ATP10D: variants seen among roughly 807,000 people sequenced by gnomAD.
ATP10D encodes the protein ATPase phospholipid transporting 10D (putative), also known as phospholipid-transporting ATPase VD.
Under a neutral mutation model 144.8 loss-of-function variants are expected in ATP10D, and 89 were observed. The observed-to-expected ratio is 0.61, with a 90% CI of 0.52 to 0.73. The LOEUF (loss-of-function observed/expected upper bound fraction) is 0.73. Among genes scored for constraint, ATP10D ranks in the 30% least tolerant of loss-of-function variants. The pLI is 0.00. For missense variants in ATP10D, 1,603 were observed against 1,714.8 expected (o/e 0.93, Z 1.15); for synonymous variants, 571 against 615.1 (o/e 0.93, Z 1.06).
At chr4:47,579,196 A>G (rs918924388) in intron 19 of ATP10D, among the ~76,000 whole-genome samples, 11 of 152,184 alleles carry the variant, frequency 7.2e-5, no homozygotes, top group African/African-American at 2.4e-4. Context: ...CAATCATTTG[A>G]CTATTGTCTC....
chr4:47,542,458 T>G (rs982211193), intron 9 of ATP10D, among the ~76,000 whole-genome samples: 27 of 152,066 alleles, frequency 1.8e-4, no homozygotes, highest in African/African-American at 6.5e-4. Context: ...TAGCTTTGTT[T>G]TCTGAATCAC....
At chr4:47,499,673 C>T (rs1715577253) in intron 1 of ATP10D, among the ~76,000 whole-genome samples, 1 of 152,182 alleles carries the variant, frequency 6.6e-6, no homozygotes, top group Admixed American at 6.5e-5. Flanking sequence ...ATTTAAAATG[C>T]TGTGTCAAAT....
intron 2 of ATP10D, 75 bp from the exon 3 acceptor site, chr4:47,515,400 CA>C (rs1716577599): frequency 2.6e-6 from 3 of 1,171,686 alleles, no homozygotes; most frequent in Non-Finnish European, 3.6e-6. Context: ...TACAGAAAAA[CA>C]ATATAGTACT....
rs1046902116 is a variant in ATP10D, at chr4:47,580,577, A to G, written c.3648+99A>G. 5.7e-6 allele frequency: 6 copies of G among 1,046,352 alleles called. No homozygotes were observed. The African/African-American group carries it at 9.5e-5, about 17-fold the overall frequency. 64.8% of individuals were successfully genotyped at this position (1,046,352 alleles called of 1,614,324 possible). On this transcript the variant is annotated intron_variant, in intron 20 of 22. Transcript: ENST00000273859. ...CAGCATAAAGGAGGGCAGATTGCTCATATAATCAGGTTGATTATTAACTGA... is the reference window on the plus strand; with the variant it reads ...CAGCATAAAGGAGGGCAGATTGCTCGTATAATCAGGTTGATTATTAACTGA...
At chr4:47,585,340 ATC>A (rs1491159037) in intron 21 of ATP10D, among the ~76,000 whole-genome samples, 1 of 151,828 alleles carries the variant, frequency 6.6e-6, no homozygotes. Context: ...TTGAATTTAA[ATC>A]TTTTTTTATT....
chr4:47,578,719 G>T (rs557603949), intron 19 of ATP10D, among the ~76,000 whole-genome samples: 74 of 152,206 alleles, frequency 4.9e-4, no homozygotes, highest in African/African-American at 1.7e-3. Context: ...CTTCTGCTGA[G>T]ATTTTATGGA....
chr4:47,571,824 G>A (rs1719967129), intron 16 of ATP10D, among the ~76,000 whole-genome samples: 1 of 152,200 alleles, frequency 6.6e-6, no homozygotes, highest in African/African-American at 2.4e-5. Flanking sequence ...AGCTGGGGGT[G>A]ATCAGGACAG....
intron 9 of ATP10D, among the ~76,000 whole-genome samples, chr4:47,546,369 A>G (rs1212152412): frequency 6.6e-6 from 1 of 152,140 alleles, no homozygotes; most frequent in East Asian, 1.9e-4. Context: ...GGAGGAGGAA[A>G]GGCCGAGAGT....
At chr4:47,537,880 C>G (rs1252894536) in intron 9 of ATP10D, among the ~76,000 whole-genome samples, 1 of 152,064 alleles carries the variant, frequency 6.6e-6, no homozygotes, top group Non-Finnish European at 1.5e-5. Context: ...GCATGAGTCC[C>G]TGATTGCATG....
Position 47,591,424 on chromosome 4 carries a change from AGGG to A in ATP10D, c.*44_*46del. On this transcript the variant is annotated 3_prime_UTR_variant, in exon 23 of 23. Coordinates refer to ENST00000273859, the MANE Select transcript of ATP10D (RefSeq NM_020453.4). Reference sequence around the variant, plus strand: ...GCAAGTATTCTTTCAAGGTTGGAAGAGGGATTTTGAAGAGGTATCTCTCCAAGC... The same window carrying A: ...GCAAGTATTCTTTCAAGGTTGGAAGAATTTTGAAGAGGTATCTCTCCAAGC... 1 of 1,494,440 alleles carries A rather than the reference AGGG, an allele frequency of 6.7e-7. No individual in the cohort carries two copies. The highest frequency in any genetic ancestry group is 9.0e-7 in the Non-Finnish European group (1 of 1,108,524). The allele number at this position is 1,494,440 out of a possible 1,614,324, so 92.6% of individuals were successfully genotyped here. A position where few individuals can be genotyped will look rare whatever the true frequency, so the allele number is the denominator to read the frequency against.
intron 1 of ATP10D, among the ~76,000 whole-genome samples, chr4:47,511,484 G>A (rs1235851021): frequency 6.6e-6 from 1 of 152,122 alleles, no homozygotes; most frequent in Non-Finnish European, 1.5e-5. Context: ...CATGAGAATT[G>A]CTTGAACCCC....
intron 5 of ATP10D, among the ~76,000 whole-genome samples, chr4:47,534,770 C>T (rs1243447787): frequency 2.0e-5 from 3 of 152,152 alleles, no homozygotes; most frequent in Non-Finnish European, 4.4e-5. Flanking sequence ...AAGCAGGATT[C>T]TTGCTTGGAA....
chr4:47,578,679 T>C (rs566001130), intron 19 of ATP10D, among the ~76,000 whole-genome samples: 1 of 152,334 alleles, frequency 6.6e-6, no homozygotes, highest in East Asian at 1.9e-4. Flanking sequence ...CCTTTGTCTC[T>C]GGCACATTCT....
rs1719667435 is a variant in ATP10D at position 47,566,910 on chromosome 4, TC to T, written c.2854-1921del. On this transcript the variant is annotated intron_variant, in intron 15 of 22. Transcript: ENST00000273859. ...CAAAGCTTATCTAACATGGGTAAGT[TC>T]CCCCCATAGGACACATCACAGCCTT... Among the ~76,000 whole-genome samples the T allele has an allele frequency of 2.6e-5, 4 of 152,186 alleles. No individual in the cohort carries two copies. The South Asian group carries it at 8.3e-4, about 32-fold the overall frequency.
At chr4:47,548,878 C>A (rs886485017) in intron 10 of ATP10D, among the ~76,000 whole-genome samples, 1 of 152,150 alleles carries the variant, frequency 6.6e-6, no homozygotes, top group African/African-American at 2.4e-5. Flanking sequence ...GAAAAATGAG[C>A]ATCTGCAAAT....
chr4:47,526,611 C>T (rs911851000), intron 5 of ATP10D, among the ~76,000 whole-genome samples: 1 of 152,092 alleles, frequency 6.6e-6, no homozygotes, highest in East Asian at 1.9e-4. Context: ...GTATAATGTT[C>T]TTTGTAGAAA....
chr4:47,516,100 G>A (rs570259349), intron 3 of ATP10D, among the ~76,000 whole-genome samples: 17 of 152,032 alleles, frequency 1.1e-4, no homozygotes, highest in Non-Finnish European at 2.4e-4. Context: ...CGTGGTGGCA[G>A]GTGCCTGTAA....
At chr4:47,536,177 C>A in intron 7 of ATP10D, 144 bp downstream of exon 7, 2 of 1,121,120 alleles carry the variant, frequency 1.8e-6, no homozygotes, top group Non-Finnish European at 2.5e-6. Context: ...CTCTTTCATC[C>A]TTTAGCCTGA....
At chr4:47,496,666 T>C (rs1337159345) in intron 1 of ATP10D, among the ~76,000 whole-genome samples, 2 of 152,190 alleles carry the variant, frequency 1.3e-5, no homozygotes, top group African/African-American at 4.8e-5. Context: ...AAAAAAATGC[T>C]AACTCTGTCT....
Sources: gnomAD v4.1 joint callset for allele counts (sites outside exome capture counted in the v4.1 genomes callset) on GRCh38, gnomAD v4.1.1 for gene constraint, MANE v1.5 for transcripts, NCBI Gene and HGNC (gene_info 2026-07-23, HGNC 2026-07-21) for gene names.